PLEKHD1: variants seen among roughly 807,000 people sequenced by gnomAD.
PLEKHD1 encodes the protein pleckstrin homology domain-containing family D member 1.
Under a neutral mutation model 69.2 loss-of-function variants are expected in PLEKHD1, and 51 were observed. The ratio of observed to expected loss-of-function variants is 0.74; its 90% CI spans 0.59 to 0.93. PLEKHD1 has a LOEUF of 0.93. PLEKHD1 is among the 40% of genes least tolerant of loss of function. PLEKHD1 has a pLI of 0.00. For synonymous variants in PLEKHD1, 236 were observed against 244.7 expected (o/e 0.96, Z 0.33); for missense variants, 584 against 641.0 (o/e 0.91, Z 0.96).
chr14:69,497,154 C>T (rs893129500), intron 1 of PLEKHD1, among the ~76,000 whole-genome samples: 4 of 152,112 alleles, frequency 2.6e-5, no homozygotes, highest in South Asian at 2.1e-4. Flanking sequence ...GGGTGATGAG[C>T]GCAATCTCAT....
intron 6 of PLEKHD1, among the ~76,000 whole-genome samples, chr14:69,516,994 G>C (rs887359396): frequency 3.9e-5 from 6 of 152,190 alleles, no homozygotes; most frequent in African/African-American, 1.4e-4. Context: ...ATGGAGAAAA[G>C]GATGAAGGCG....
intron 7 of PLEKHD1, among the ~76,000 whole-genome samples, chr14:69,523,603 A>G (rs1883570690): frequency 6.6e-6 from 1 of 152,152 alleles, no homozygotes; most frequent in African/African-American, 2.4e-5. Context: ...CATTAGTGTA[A>G]TAATATGTAA....
rs1195345727 is a variant in PLEKHD1 at position 69,531,422 on chromosome 14, G to C, written c.*3003G>C. On this transcript the variant is annotated 3_prime_UTR_variant, in exon 13 of 13. Transcript: ENST00000322564. Reference sequence around the variant, plus strand: ...ACCTAGCACTGTAAATAGAAAAATAGCAACATCTCTATATCAAAATACGTA... The same window carrying C: ...ACCTAGCACTGTAAATAGAAAAATACCAACATCTCTATATCAAAATACGTA... 6.6e-6 allele frequency: 1 copy of C among 152,284 alleles called. No individual in the cohort carries two copies. The highest frequency in any genetic ancestry group is 2.4e-5 in the African/African-American group (1 of 41,572). The allele number at this position is 152,284 out of a possible 1,614,324, so 9.4% of individuals were successfully genotyped here. A position where few individuals can be genotyped will look rare whatever the true frequency, so the allele number is the denominator to read the frequency against.
chr14:69,467,920 G>T, the PLEKHD1 span, among the ~76,000 whole-genome samples: 1 of 152,170 alleles, frequency 6.6e-6, no homozygotes, highest in Non-Finnish European at 1.5e-5. Context: ...TTCTGAACAG[G>T]AGTTACATCT....
chr14:69,467,893 C>G, the PLEKHD1 span, among the ~76,000 whole-genome samples: 15 of 152,226 alleles, frequency 9.9e-5, no homozygotes, highest in Admixed American at 9.8e-4. Flanking sequence ...CTTGGAATTT[C>G]ACCACTAATA....
At chr14:69,502,743 C>A in intron 5 of PLEKHD1, 84 bp from the exon 6 acceptor site, 1 of 1,519,530 alleles carries the variant, frequency 6.6e-7, no homozygotes, top group South Asian at 1.2e-5. Context: ...GTGACAGCGA[C>A]CACCTCAGGC....
chr14:69,487,290 C>T (rs1182496151), intron 1 of PLEKHD1, among the ~76,000 whole-genome samples: 2 of 152,034 alleles, frequency 1.3e-5, no homozygotes, highest in African/African-American at 4.8e-5. Context: ...GAGAAAGATG[C>T]TCAGCTCAGC....
the PLEKHD1 span, among the ~76,000 whole-genome samples, chr14:69,468,986 G>A: frequency 6.6e-6 from 1 of 152,180 alleles, no homozygotes; most frequent in African/African-American, 2.4e-5. Context: ...CATTCAAAAT[G>A]TGCATATTTG....
intron 1 of PLEKHD1, among the ~76,000 whole-genome samples, chr14:69,487,684 A>G (rs1882686147): frequency 6.6e-6 from 1 of 152,204 alleles, no homozygotes. Flanking sequence ...GGGGGCAACA[A>G]AAGGGGAAGG....
At chr14:69,472,160 CA>C in the PLEKHD1 span, among the ~76,000 whole-genome samples, 1 of 152,156 alleles carries the variant, frequency 6.6e-6, no homozygotes, top group African/African-American at 2.4e-5. Flanking sequence ...CACCCACAAC[CA>C]GAGAGAGAAT....
chr14:69,505,893 C>T (rs1883141123), intron 6 of PLEKHD1, among the ~76,000 whole-genome samples: 1 of 152,174 alleles, frequency 6.6e-6, no homozygotes, highest in Admixed American at 6.5e-5. Flanking sequence ...CTCCCTCTGG[C>T]CTTATCCCTC....
upstream of PLEKHD1, among the ~76,000 whole-genome samples, chr14:69,481,700 A>C (rs1882544406): frequency 1.3e-5 from 2 of 152,230 alleles, no homozygotes; most frequent in African/African-American, 4.8e-5. Flanking sequence ...ACTAAAAATA[A>C]TATGTATGTA....
intron 6 of PLEKHD1, among the ~76,000 whole-genome samples, chr14:69,506,028 G>T (rs1883144919): frequency 6.6e-6 from 1 of 152,194 alleles, no homozygotes; most frequent in South Asian, 2.1e-4. Flanking sequence ...AGGGTTTCTG[G>T]CAAGGTTCTT....
chr14:69,513,055 C>A (rs1037424949), intron 6 of PLEKHD1, among the ~76,000 whole-genome samples: 1 of 151,628 alleles, frequency 6.6e-6, no homozygotes, highest in Non-Finnish European at 1.5e-5. Context: ...TGCACTTCAG[C>A]CTGGATGACA....
intron 6 of PLEKHD1, 127 bp from the exon 7 acceptor site, chr14:69,522,155 CG>C (rs1566565113): frequency 1.2e-6 from 1 of 812,880 alleles, no homozygotes; most frequent in East Asian, 2.8e-5. Context: ...ACTTAATTCC[CG>C]GTCTGGTGCA....
the PLEKHD1 span, among the ~76,000 whole-genome samples, chr14:69,470,241 T>A: frequency 6.6e-6 from 1 of 151,574 alleles, no homozygotes; most frequent in Non-Finnish European, 1.5e-5. Flanking sequence ...GGTGGGCAGA[T>A]CACTTGAGGT....
At chr14:69,505,309 A>C (rs1439771677) in intron 6 of PLEKHD1, among the ~76,000 whole-genome samples, 1 of 152,220 alleles carries the variant, frequency 6.6e-6, no homozygotes, top group Non-Finnish European at 1.5e-5. Flanking sequence ...CCACTGAGTC[A>C]TTCAGTCAAA....
chr14:69,476,922 C>T, the PLEKHD1 span, among the ~76,000 whole-genome samples: 18 of 152,130 alleles, frequency 1.2e-4, no homozygotes, highest in African/African-American at 1.9e-4. Context: ...ACAATCATGG[C>T]GGAAGGTGAA....
intron 1 of PLEKHD1, among the ~76,000 whole-genome samples, chr14:69,489,123 C>T: frequency 6.6e-6 from 1 of 152,208 alleles, no homozygotes; most frequent in Non-Finnish European, 1.5e-5. Context: ...GAGGAGCTGC[C>T]CTCCATGGCT....
Sources: gnomAD v4.1 joint callset for allele counts (sites outside exome capture counted in the v4.1 genomes callset) on GRCh38, gnomAD v4.1.1 for gene constraint, MANE v1.5 for transcripts, NCBI Gene and HGNC (gene_info 2026-07-23, HGNC 2026-07-21) for gene names.